The following SLC7A9 variants were observed in gnomAD, a reference collection of about 807,000 sequenced individuals.
The protein encoded by SLC7A9 is B(0,+)-type amino acid transporter 1.
In SLC7A9, 38 loss-of-function variants were observed where a neutral mutation model predicts 54.1. That is an observed-to-expected ratio of 0.70 (90% CI 0.54 to 0.92). The LOEUF (loss-of-function observed/expected upper bound fraction) is 0.92. Ranked by LOEUF, SLC7A9 falls within the 40% of genes least tolerant of loss-of-function variation. The pLI is 0.00. For missense variants in SLC7A9, 537 were observed against 636.1 expected, an observed-to-expected ratio of 0.84 and a Z score of 1.68; for synonymous variants, 264 against 258.9, an observed-to-expected ratio of 1.02 and a Z score of -0.19.
chr19:32,832,002 G>A (rs371800651), intron 12 of SLC7A9, among the ~76,000 whole-genome samples: 1 of 152,212 alleles, frequency 6.6e-6, no homozygotes, highest in African/African-American at 2.4e-5. Context: ...GGGGCTGGGC[G>A]CAGTGGCTCA....
At chr19:32,839,915 A>T (rs577775545) in intron 11 of SLC7A9, among the ~76,000 whole-genome samples, 1 of 152,240 alleles carries the variant, frequency 6.6e-6, no homozygotes, top group South Asian at 2.1e-4. Context: ...GCCTTTCAGT[A>T]TGTTGGTTCA....
At chr19:32,866,315 T>A (rs1367286943) in intron 2 of SLC7A9, among the ~76,000 whole-genome samples, 3 of 152,186 alleles carry the variant, frequency 2.0e-5, no homozygotes, top group Non-Finnish European at 4.4e-5. Flanking sequence ...TGCCCAGGAC[T>A]GGCAGTTTGG....
Position 32,842,197 on chromosome 19 carries a change from TA to T in SLC7A9, c.1194del (p.Phe398LeufsTer14). 1 of 1,614,174 alleles carries T rather than the reference TA, an allele frequency of 6.2e-7. No individual in the cohort carries two copies. Among genetic ancestry groups the T allele is most frequent in the Admixed American group, 1.7e-5 (1 of 60,014 alleles). ...LTILGLIVMR[F>X]TRKELERPIK... ...ATAGGCCTTTCCAGCTCTTTCCTTG[TA>T]AATCTCATCACGATGAGTCCTAGAA... On this transcript the variant is annotated frameshift_variant, in exon 11 of 13. Transcript: ENST00000023064. LOFTEE classifies it high-confidence loss of function.
intron 9 of SLC7A9, among the ~76,000 whole-genome samples, chr19:32,845,449 C>A (rs1205862371): frequency 4.6e-5 from 7 of 150,896 alleles, no homozygotes; most frequent in African/African-American, 1.7e-4. Flanking sequence ...GAGCCGAGAT[C>A]TCACCATTGC....
At chr19:32,849,946 A>C (rs994675270) in intron 9 of SLC7A9, among the ~76,000 whole-genome samples, 1 of 152,084 alleles carries the variant, frequency 6.6e-6, no homozygotes, top group East Asian at 1.9e-4. Flanking sequence ...GATTATCTCA[A>C]TAGATGCAGA....
intron 6 of SLC7A9, 53 bp downstream of exon 6, chr19:32,862,065 C>T: frequency 1.7e-6 from 2 of 1,180,970 alleles, no homozygotes; most frequent in Admixed American, 3.4e-5. Context: ...GAGTTAAAGT[C>T]ACCTGGAGAA....
chr19:32,835,913 G>GTGTGTGTGTGTGTA (rs1555781351), intron 11 of SLC7A9, among the ~76,000 whole-genome samples: 1 of 49,430 alleles, frequency 2.0e-5, no homozygotes, highest in African/African-American at 9.6e-5. Context: ...GTGTGTGTAT[G>GTGTGTGTGTGTGTA]TGTGTGTGTG....
chr19:32,868,325 A>T (rs1000047882), intron 2 of SLC7A9, 123 bp downstream of exon 2: 3 of 733,840 alleles, frequency 4.1e-6, no homozygotes, highest in Non-Finnish European at 7.5e-6. Flanking sequence ...TGTACTTCAC[A>T]AATCAAAGAG....
At chr19:32,853,834 T>C (rs994907905) in intron 9 of SLC7A9, among the ~76,000 whole-genome samples, 4 of 151,626 alleles carry the variant, frequency 2.6e-5, no homozygotes, top group African/African-American at 9.7e-5. Flanking sequence ...TGAGAATCGC[T>C]TGAACCTGGG....
At chr19:32,836,925 T>A (rs1003226374) in intron 11 of SLC7A9, among the ~76,000 whole-genome samples, 1 of 152,238 alleles carries the variant, frequency 6.6e-6, no homozygotes, top group Non-Finnish European at 1.5e-5. Flanking sequence ...TATATTCATT[T>A]GCTTGATATT....
intron 6 of SLC7A9, among the ~76,000 whole-genome samples, chr19:32,860,879 G>A (rs145079475): frequency 6.6e-6 from 1 of 152,152 alleles, no homozygotes; most frequent in Non-Finnish European, 1.5e-5. Flanking sequence ...TGCCCTCCTC[G>A]GGAATCACAC....
intron 11 of SLC7A9, among the ~76,000 whole-genome samples, chr19:32,838,825 T>C (rs1462815584): frequency 6.7e-6 from 1 of 149,394 alleles, no homozygotes; most frequent in Non-Finnish European, 1.5e-5. Flanking sequence ...TACACATATA[T>C]TACATATATT....
chr19:32,857,298 G>T (rs1450690992), intron 9 of SLC7A9, among the ~76,000 whole-genome samples: 1 of 152,040 alleles, frequency 6.6e-6, no homozygotes, highest in African/African-American at 2.4e-5. Context: ...ACAAAAGTTA[G>T]CTGGGTGTGA....
At chr19:32,859,722 T>A in intron 8 of SLC7A9, 119 bp downstream of exon 8, 1 of 922,838 alleles carries the variant, frequency 1.1e-6, no homozygotes, top group Non-Finnish European at 1.8e-6. Context: ...CCAGTCCATG[T>A]CCCCGTCCGT....
Position 32,858,529 on chromosome 19 carries a change from AC to A in SLC7A9, c.887del (p.Arg296LeufsTer66). ...CGATCCAAGAAGCAGGATAGAGAACACGGTCACCAAATGTCTGGTGAGAGAA... is the reference window on the plus strand; with the variant it reads ...CGATCCAAGAAGCAGGATAGAGAACAGGTCACCAAATGTCTGGTGAGAGAA... ...SQAVAVTFGD[R>X]VLYPASWIVP... is the part of the protein sequence containing the mutation. On this transcript the variant is annotated frameshift_variant, in exon 9 of 13. Coordinates refer to ENST00000023064, the MANE Select transcript of SLC7A9 (RefSeq NM_014270.5). LOFTEE classifies it high-confidence loss of function. The A allele has an allele frequency of 6.2e-7, 1 of 1,612,522 alleles. No homozygotes were observed.
At chr19:32,860,273 C>T in intron 7 of SLC7A9, 1 of 1,393,886 alleles carries the variant, frequency 7.2e-7, no homozygotes, top group Non-Finnish European at 9.3e-7. Context: ...AAACCATTCG[C>T]TGGCCGGGTG....
chr19:32,845,330 A>G (rs942647110), intron 9 of SLC7A9, among the ~76,000 whole-genome samples: 3 of 151,690 alleles, frequency 2.0e-5, no homozygotes, highest in South Asian at 2.1e-4. Flanking sequence ...CCCCGTCTTT[A>G]CTAAAAATAC....
chr19:32,834,052 AAGGC>A lies in SLC7A9; in HGVS notation c.1225-733_1225-730del, dbSNP rs201127780. 7.9e-3 allele frequency among the ~76,000 whole-genome samples: 1,195 copies of A among 152,136 alleles called. 15 individuals are homozygous for A. Among genetic ancestry groups the A allele is most frequent in the African/African-American group, 0.027 (1,131 of 41,484 alleles). On this transcript the variant is annotated intron_variant, in intron 11 of 12. Transcript: ENST00000023064. ...ACAAGTTGGGCCCCTGAGACCTCCA[AAGGC>A]AACTCCAGCCTGTGGGTTTTTCTAT... is the stretch of plus-strand genomic sequence containing the variant.
intron 10 of SLC7A9, among the ~76,000 whole-genome samples, chr19:32,842,926 G>A (rs973508158): frequency 6.6e-6 from 1 of 152,062 alleles, no homozygotes; most frequent in African/African-American, 2.4e-5. Flanking sequence ...TTTCAATGTG[G>A]GCTGGGGCCC....
Sources: allele counts gnomAD v4.1 joint callset (sites outside exome capture counted in the v4.1 genomes callset), GRCh38; gene constraint gnomAD v4.1.1; transcripts MANE v1.5; gene names NCBI Gene and HGNC (gene_info 2026-07-23, HGNC 2026-07-21).